USP15: variants seen among roughly 807,000 people sequenced by gnomAD.
USP15 encodes the protein ubiquitin specific peptidase 15, also known as ubiquitin carboxyl-terminal hydrolase 15.
A neutral mutation model predicts 127.1 loss-of-function variants in USP15; 18 were observed. The observed-to-expected ratio is 0.14, with a 90% CI of 0.10 to 0.21. The LOEUF is 0.21. Among genes scored for constraint, USP15 ranks in the 10% least tolerant of loss-of-function variants. The probability of loss-of-function intolerance (pLI) is 1.00; values close to 1 mark genes in which losing one functional copy is unlikely to be tolerated. For synonymous variants in USP15, 364 were observed against 393.7 expected, an observed-to-expected ratio of 0.92 and a Z score of 0.89; for missense variants, 805 against 1,159.9, an observed-to-expected ratio of 0.69 and a Z score of 4.44.
chr12:62,390,938 A>G lies in USP15; in HGVS notation c.1919A>G (p.Asn640Ser). 1 of 1,613,102 alleles carries G rather than the reference A, an allele frequency of 6.2e-7. No individual in the cohort carries two copies. Among genetic ancestry groups the G allele is most frequent in the Non-Finnish European group, 8.5e-7 (1 of 1,179,370 alleles). The change falls in exon 15 of 22, where the codon AAT (asparagine) becomes AGT (serine). Residue 640 changes from asparagine (N) to serine (S), a missense_variant. Coordinates refer to ENST00000280377, the MANE Select transcript of USP15 (RefSeq NM_001252078.2). ...CACTGCTGTAAGGACCAAAATATTAATGGGAATGGCCCAAATGGCATACAT... is the reference window on the plus strand; with the variant it reads ...CACTGCTGTAAGGACCAAAATATTAGTGGGAATGGCCCAAATGGCATACAT... ...SLHCCKDQNINGNGPNGIHEE... is the reference protein window; with the variant it reads ...SLHCCKDQNISGNGPNGIHEE...
chr12:62,264,751 C>T (rs545302387), intron 1 of USP15, among the ~76,000 whole-genome samples: 3 of 152,286 alleles, frequency 2.0e-5, no homozygotes, highest in African/African-American at 7.2e-5. Flanking sequence ...CTTATACTCA[C>T]AAATCCCTTA....
chr12:62,268,127 A>G (rs1197970405), intron 1 of USP15, among the ~76,000 whole-genome samples: 1 of 152,112 alleles, frequency 6.6e-6, no homozygotes, highest in Non-Finnish European at 1.5e-5. Context: ...CTCTAGATAC[A>G]GGTTCCATAT....
chr12:62,293,186 C>T (rs188145658), intron 1 of USP15, among the ~76,000 whole-genome samples: 1 of 152,256 alleles, frequency 6.6e-6, no homozygotes, highest in East Asian at 1.9e-4. Context: ...ATGAAGGATC[C>T]CAAACACTCT....
In USP15 at chr12:62,349,451, A is replaced by G. The variant is rs1220032630; in HGVS notation, c.770+144A>G. 3.8e-5 allele frequency: 17 copies of G among 445,408 alleles called. No homozygotes were observed. In the Admixed American group the frequency reaches 6.8e-4, roughly 18 times the overall value. The allele number at this position is 445,408 out of a possible 1,614,324, so 27.6% of individuals were successfully genotyped here. ...TAAATTACCGGTCAGTTCTTCCATG[A>G]GTAACAACAAAAAAGAAAGCAATTA... On this transcript the variant is annotated intron_variant, in intron 7 of 21. Coordinates refer to ENST00000280377, the MANE Select transcript of USP15 (RefSeq NM_001252078.2).
Position 62,413,409 on chromosome 12 carries a change from A to G in USP15, c.*9034A>G, listed in dbSNP as rs141821919. The G allele has an allele frequency of 1.3e-5, 2 of 152,244 alleles. No individual in the cohort carries two copies. The highest frequency in any genetic ancestry group is 6.5e-5 in the Admixed American group (1 of 15,286). 9.4% of individuals were successfully genotyped at this position (152,244 alleles called of 1,614,324 possible). On this transcript the variant is annotated 3_prime_UTR_variant, in exon 22 of 22. Coordinates refer to ENST00000280377, the MANE Select transcript of USP15 (RefSeq NM_001252078.2). ...TCTCTAGCTATGAAAGTCCTGGATG[A>G]CATCTTCCAACATAAGACTTTCATC...
chr12:62,347,797 A>T (rs1208257655), intron 6 of USP15, among the ~76,000 whole-genome samples: 2 of 152,218 alleles, frequency 1.3e-5, no homozygotes, highest in African/African-American at 2.4e-5. Context: ...GTACGTAACT[A>T]GAAATCCCAC....
At chr12:62,328,606 T>G (rs892033058) in intron 6 of USP15, among the ~76,000 whole-genome samples, 2 of 152,208 alleles carry the variant, frequency 1.3e-5, no homozygotes, top group Non-Finnish European at 2.9e-5. Context: ...AACCTAGTAA[T>G]GCCTGTTTTC....
chr12:62,373,084 A>T (rs2066724778), intron 8 of USP15, among the ~76,000 whole-genome samples: 1 of 152,080 alleles, frequency 6.6e-6, no homozygotes, highest in African/African-American at 2.4e-5. Context: ...CTGGTGAAAT[A>T]ATTATCACAG....
intron 7 of USP15, among the ~76,000 whole-genome samples, chr12:62,349,609 G>A (rs1204672984): frequency 6.6e-6 from 1 of 151,986 alleles, no homozygotes; most frequent in Non-Finnish European, 1.5e-5. Context: ...AAATTCAGAT[G>A]TCATTTTAGA....
At chr12:62,374,601 A>G in intron 8 of USP15, 9 of 976,624 alleles carry the variant, frequency 9.2e-6, no homozygotes, top group Non-Finnish European at 9.7e-6. Flanking sequence ...ATTTCCTAAA[A>G]TATGTTGACT....
intron 7 of USP15, among the ~76,000 whole-genome samples, chr12:62,349,861 C>CA (rs1389324731): frequency 6.6e-6 from 1 of 151,914 alleles, no homozygotes; most frequent in Non-Finnish European, 1.5e-5. Context: ...CAAGGTTACA[C>CA]AGCTTCACTC....
In USP15 at chr12:62,360,708, GA is replaced by G. The variant is rs575653565; in HGVS notation, c.915+5234del. ...GTAAAAGGAAAAACCTCACTTCTGA[GA>G]CACAAAACACTTTTTAAAAAATAGT... On this transcript the variant is annotated intron_variant, in intron 8 of 21. Transcript: ENST00000280377. 7.8e-4 allele frequency among the ~76,000 whole-genome samples: 119 copies of G among 152,038 alleles called. 1 individual carries two copies. The highest frequency in any genetic ancestry group is 2.8e-3 in the African/African-American group (117 of 41,508).
chr12:62,387,110 G>A (rs762902737), intron 11 of USP15, among the ~76,000 whole-genome samples: 4 of 152,154 alleles, frequency 2.6e-5, no homozygotes, highest in Non-Finnish European at 4.4e-5. Context: ...TTTAGTATTG[G>A]ATATGCTGAC....
At chr12:62,375,313 A>G (rs1031205295) in intron 8 of USP15, among the ~76,000 whole-genome samples, 1 of 152,136 alleles carries the variant, frequency 6.6e-6, no homozygotes, top group Non-Finnish European at 1.5e-5. Flanking sequence ...ATTTTTGAAC[A>G]TGGAGAACTT....
chr12:62,398,679 A>T (rs1008896543), intron 20 of USP15, among the ~76,000 whole-genome samples: 5 of 152,174 alleles, frequency 3.3e-5, no homozygotes, highest in Non-Finnish European at 7.4e-5. Context: ...GAAAGTTGTA[A>T]CATGTCTTAA....
Position 62,405,568 on chromosome 12 carries a change from T to C in USP15, c.*1193T>C, listed in dbSNP as rs1358703715. On this transcript the variant is annotated 3_prime_UTR_variant, in exon 22 of 22. Coordinates refer to ENST00000280377, the MANE Select transcript of USP15 (RefSeq NM_001252078.2). ...AGGATGCCAAAAATATGTGTGAACATTTGAAACATTTTTATTTGCTGCTTT... is the reference window on the plus strand; with the variant it reads ...AGGATGCCAAAAATATGTGTGAACACTTGAAACATTTTTATTTGCTGCTTT... 1 of 152,578 alleles carries C rather than the reference T, an allele frequency of 6.6e-6. No individual in the cohort carries two copies. 9.5% of individuals were successfully genotyped at this position (152,578 alleles called of 1,614,324 possible). A position where few individuals can be genotyped will look rare whatever the true frequency, so the allele number is the denominator to read the frequency against.
chr12:62,388,482 G>A (rs768786163), intron 11 of USP15, among the ~76,000 whole-genome samples: 1 of 152,174 alleles, frequency 6.6e-6, no homozygotes, highest in Non-Finnish European at 1.5e-5. Flanking sequence ...ATAACCACAT[G>A]TGTGATATGC....
At chr12:62,277,192 T>C (rs2063518196) in intron 1 of USP15, among the ~76,000 whole-genome samples, 1 of 152,306 alleles carries the variant, frequency 6.6e-6, no homozygotes, top group South Asian at 2.1e-4. Flanking sequence ...GCAACTCTTC[T>C]GAATTCCACT....
At position 62,404,654 on chromosome 12, in the gene USP15, GATTA is replaced by G. The variant is rs1338501779; in HGVS notation, c.*284_*287del. 2.0e-5 allele frequency: 4 copies of G among 198,502 alleles called. No homozygotes were observed. Among genetic ancestry groups the G allele is most frequent in the Admixed American group, 1.2e-4 (2 of 16,356 alleles). 12.3% of individuals were successfully genotyped at this position (198,502 alleles called of 1,614,324 possible). ...TCCCTTTTAAGTTTGCTGCTGTTTTGATTAATTATGTTTCCTTTAATTTTTTGGA... is the reference window on the plus strand; with the variant it reads ...TCCCTTTTAAGTTTGCTGCTGTTTTGATTATGTTTCCTTTAATTTTTTGGA... On this transcript the variant is annotated 3_prime_UTR_variant, in exon 22 of 22. Transcript: ENST00000280377.
Sources: gnomAD v4.1 joint callset for allele counts (sites outside exome capture counted in the v4.1 genomes callset) on GRCh38, gnomAD v4.1.1 for gene constraint, MANE v1.5 for transcripts, NCBI Gene and HGNC (gene_info 2026-07-23, HGNC 2026-07-21) for gene names.